Variants in SREBF2 observed in about 807,000 individuals in gnomAD.
SREBF2 encodes the protein sterol regulatory element-binding protein 2.
In SREBF2, 55 loss-of-function variants were observed where a neutral mutation model predicts 113.1. The ratio of observed to expected loss-of-function variants is 0.49; its 90% CI spans 0.39 to 0.61. SREBF2 has a LOEUF of 0.61. SREBF2 is among the 20% of genes least tolerant of loss of function. The pLI is 0.00. For synonymous variants in SREBF2, 593 were observed against 605.7 expected (o/e 0.98, Z 0.31); for missense variants, 1,349 against 1,487.4 (o/e 0.91, Z 1.53).
At chr22:41,837,056 G>A (rs1474051173) in intron 1 of SREBF2, among the ~76,000 whole-genome samples, 2 of 152,178 alleles carry the variant, frequency 1.3e-5, no homozygotes, top group Non-Finnish European at 2.9e-5. Context: ...CTCTCACGAA[G>A]CTTACATTCT....
chr22:41,880,974 C>T lies in SREBF2; in HGVS notation c.2020C>T (p.His674Tyr), dbSNP rs1402502393. 5 of 1,608,276 alleles carry T rather than the reference C, an allele frequency of 3.1e-6. No homozygotes were observed. In the Admixed American group the frequency reaches 6.7e-5, roughly 21 times the overall value. ...TGCGGCTCTGGCCTATCACCGGCTG[C>T]ACCAGCTGCACATCACAGGTGAGGG... ...RDAALAYHRL[H>Y]QLHITGKLPA... The change falls in exon 10 of 19, where the codon CAC becomes TAC. Residue 674 changes from histidine (H) to tyrosine (Y), a missense_variant. By Grantham distance (83) the His-to-Tyr change is moderately conservative (BLOSUM62 2). Transcript: ENST00000361204.
chr22:41,885,995 T>G (rs1225179696), intron 11 of SREBF2: 2 of 152,234 alleles, frequency 1.3e-5, no homozygotes, highest in Non-Finnish European at 2.9e-5. Flanking sequence ...TTCTGGTGAC[T>G]ACAGATAAGA....
At chr22:41,895,678 C>T (rs1433670842) in intron 13 of SREBF2, among the ~76,000 whole-genome samples, 13 of 152,004 alleles carry the variant, frequency 8.6e-5, no homozygotes, top group Admixed American at 7.2e-4. Context: ...TCGGGCAATC[C>T]GCCTGCCTCG....
chr22:41,895,774 T>C (rs1388518210), intron 13 of SREBF2, among the ~76,000 whole-genome samples: 1 of 151,736 alleles, frequency 6.6e-6, no homozygotes, highest in African/African-American at 2.4e-5. Context: ...CCAAGCGGAG[T>C]CAGTACTTGG....
At chr22:41,845,478 C>T (rs548269070) in intron 1 of SREBF2, among the ~76,000 whole-genome samples, 2 of 152,326 alleles carry the variant, frequency 1.3e-5, no homozygotes, top group South Asian at 2.1e-4. Flanking sequence ...TGCATTTCAA[C>T]GTGAATGAGT....
intron 1 of SREBF2, among the ~76,000 whole-genome samples, chr22:41,843,483 T>C (rs1244965572): frequency 6.6e-6 from 1 of 152,250 alleles, no homozygotes; most frequent in East Asian, 1.9e-4. Flanking sequence ...GCATGCAATC[T>C]TTTCTTCAAT....
Position 41,905,455 on chromosome 22 carries a change from G to T in SREBF2, c.3221G>T (p.Trp1074Leu). Residue 1074 changes from tryptophan to leucine, a missense_variant, in exon 19 of 19, where the codon TGG (tryptophan) becomes TTG (leucine). Around this residue, in one of 2 missense-constraint regions of SREBF2, gnomAD observed 650 missense variants for 644.1 expected, o/e 1.01. Transcript: ENST00000361204. ...QSTKHGEVDA[W>L]PGQRERATAI... is the part of the protein sequence containing the mutation. ...CTTCCCACAGGAGAGGTGGATGCCT[G>T]GCCCGGCCAGCGAGAGCGGGCCACC... 2 of 1,575,760 alleles carry T rather than the reference G, an allele frequency of 1.3e-6. No homozygotes were observed. The highest frequency in any genetic ancestry group is 1.2e-5 in the South Asian group (1 of 86,134).
At chr22:41,836,240 C>G (rs556647502) in intron 1 of SREBF2, among the ~76,000 whole-genome samples, 12 of 152,340 alleles carry the variant, frequency 7.9e-5, no homozygotes, top group Non-Finnish European at 1.8e-4. Context: ...TTCAGTTGAT[C>G]AACAAGTATT....
chr22:41,858,819 C>T (rs1249864981), intron 1 of SREBF2, among the ~76,000 whole-genome samples: 1 of 151,514 alleles, frequency 6.6e-6, no homozygotes, highest in Non-Finnish European at 1.5e-5. Flanking sequence ...TCATAGGTGA[C>T]CAAAAAAAGG....
chr22:41,872,906 AAAAC>A (rs2077159683), intron 4 of SREBF2, among the ~76,000 whole-genome samples: 1 of 151,828 alleles, frequency 6.6e-6, no homozygotes, highest in East Asian at 1.9e-4. Flanking sequence ...AAAAAAAACA[AAAAC>A]AAAAAAACAG....
At chr22:41,845,324 G>A (rs1055779500) in intron 1 of SREBF2, among the ~76,000 whole-genome samples, 3 of 152,114 alleles carry the variant, frequency 2.0e-5, no homozygotes, top group East Asian at 3.8e-4. Context: ...TGCTGATGAC[G>A]GGGAATGAAC....
chr22:41,841,842 G>A (rs2076833130), intron 1 of SREBF2, among the ~76,000 whole-genome samples: 1 of 152,220 alleles, frequency 6.6e-6, no homozygotes, highest in African/African-American at 2.4e-5. Flanking sequence ...TAGTTGAGGT[G>A]TAATAGCCAT....
intron 2 of SREBF2, 61 bp from the exon 3 acceptor site, chr22:41,868,550 G>A: frequency 6.3e-7 from 1 of 1,579,930 alleles, no homozygotes; most frequent in Non-Finnish European, 8.7e-7. Flanking sequence ...GGTTTCTGCT[G>A]CAGCTGCAGT....
rs2148422126 is a variant in SREBF2, at chr22:41,903,098, A to G, written c.3036A>G (p.Gln1012=). 6 of 1,575,782 alleles carry G rather than the reference A, an allele frequency of 3.8e-6. No individual in the cohort carries two copies. The highest frequency in any genetic ancestry group is 2.3e-5 in the South Asian group (2 of 86,620). Residue 1012 remains glutamine (Q), a synonymous_variant, in exon 17 of 19, where the codon CAA becomes CAG. Transcript: ENST00000361204. ...HASGAELAGF[Q]RDLGSLRRLA... is the part of the protein sequence containing the mutation. ...CAGGCGCTGAACTGGCGGGCTTCCA[A>G]CGGGACCTGGGCAGCCTGCGCAGGC...
intron 1 of SREBF2, among the ~76,000 whole-genome samples, chr22:41,854,034 C>CA (rs1211599087): frequency 3.0e-3 from 214 of 70,512 alleles, no homozygotes; most frequent in Admixed American, 6.2e-3. Context: ...GACTCCATCT[C>CA]AAAAAAAAAA....
intron 1 of SREBF2, among the ~76,000 whole-genome samples, chr22:41,856,423 C>T (rs2076978603): frequency 6.6e-6 from 1 of 152,194 alleles, no homozygotes. Flanking sequence ...GCCACCACAC[C>T]TGGCCAATAA....
At chr22:41,902,762 G>A (rs2077475375) in intron 16 of SREBF2, among the ~76,000 whole-genome samples, 1 of 152,174 alleles carries the variant, frequency 6.6e-6, no homozygotes, top group Non-Finnish European at 1.5e-5. Context: ...GGGAGGGCTT[G>A]TCTCCCACCT....
rs1158750306 is a variant in SREBF2, at chr22:41,864,261, TACAC to T, written c.89-2550_89-2547del. On this transcript the variant is annotated intron_variant, in intron 1 of 18. Transcript: ENST00000361204. Reference sequence around the variant, plus strand: ...ATATATATATATATATATATATATATACACACACACACACACACACACAAAATAT... The same window carrying T: ...ATATATATATATATATATATATATATACACACACACACACACACAAAATAT... Among the ~76,000 whole-genome samples the T allele has an allele frequency of 8.6e-3, 438 of 50,894 alleles. 7 individuals carry two copies. The highest frequency in any genetic ancestry group is 0.016 in the African/African-American group (214 of 13,124). 33.4% of individuals were successfully genotyped at this position (50,894 alleles called of 152,430 possible). A position where few individuals can be genotyped will look rare whatever the true frequency, so the allele number is the denominator to read the frequency against.
chr22:41,875,300 C>CT (rs771811095), intron 5 of SREBF2, 37 bp from the exon 6 acceptor site: 1 of 1,562,272 alleles, frequency 6.4e-7, no homozygotes, highest in Admixed American at 1.7e-5. Flanking sequence ...GTAGCCTGCA[C>CT]TGGTCTCACT....
Sources: gnomAD v4.1 joint callset for allele counts (sites outside exome capture counted in the v4.1 genomes callset) on GRCh38, gnomAD v4.1.1 for gene constraint, gnomAD v4.1.1 regional missense constraint, MANE v1.5 for transcripts, NCBI Gene and HGNC (gene_info 2026-07-23, HGNC 2026-07-21) for gene names.